Variants in PTPRG observed in about 807,000 individuals in gnomAD.
PTPRG encodes the protein protein tyrosine phosphatase receptor type G.
A neutral mutation model predicts 165.3 loss-of-function variants in PTPRG; 102 were observed. That is an observed-to-expected ratio of 0.62 (90% CI 0.53 to 0.73). PTPRG has a LOEUF of 0.73. Among genes scored for constraint, PTPRG ranks in the 30% least tolerant of loss-of-function variants. PTPRG has a pLI of 0.00. For synonymous variants in PTPRG, 675 were observed against 669.5 expected (o/e 1.01, Z -0.13); for missense variants, 1,866 against 1,861.4 (o/e 1.00, Z -0.05).
chr3:62,130,551 C>A lies in PTPRG; in HGVS notation c.616-2051C>A, dbSNP rs143274097. On this transcript the variant is annotated intron_variant, in intron 5 of 29. Coordinates refer to ENST00000474889, the MANE Select transcript of PTPRG (RefSeq NM_002841.4). ...TAACTACAGATAGTTAAGCTGGCATCCCCACCAGAATGAATCAAAGGGACC... is the reference window on the plus strand; with the variant it reads ...TAACTACAGATAGTTAAGCTGGCATACCCACCAGAATGAATCAAAGGGACC... Among the ~76,000 whole-genome samples the A allele has an allele frequency of 5.5e-3, 830 of 152,272 alleles. 5 individuals carry two copies. Among genetic ancestry groups the A allele is most frequent in the Middle Eastern group, 0.02 (6 of 294 alleles).
intron 4 of PTPRG, among the ~76,000 whole-genome samples, chr3:62,049,487 G>A (rs1413780679): frequency 4.6e-5 from 7 of 152,076 alleles, no homozygotes; most frequent in East Asian, 1.9e-4. Flanking sequence ...AATGATGCTC[G>A]CTGTTTCATG....
chr3:61,854,343 A>G (rs2037044575), intron 2 of PTPRG, among the ~76,000 whole-genome samples: 1 of 152,138 alleles, frequency 6.6e-6, no homozygotes, highest in Non-Finnish European at 1.5e-5. Context: ...TTATCTGTAA[A>G]ATAGGTCTGA....
At chr3:61,808,173 A>G (rs1387972551) in intron 2 of PTPRG, among the ~76,000 whole-genome samples, 4 of 152,220 alleles carry the variant, frequency 2.6e-5, no homozygotes, top group Admixed American at 6.5e-5. Flanking sequence ...CATTTGAAGG[A>G]GACCTAAGAA....
chr3:61,928,612 T>C (rs1266627225), intron 2 of PTPRG, among the ~76,000 whole-genome samples: 2 of 152,222 alleles, frequency 1.3e-5, no homozygotes, highest in Non-Finnish European at 1.5e-5. Context: ...GGATTCTCCC[T>C]AAAACAAAAG....
At chr3:61,781,719 CAG>C (rs1449278275) in intron 2 of PTPRG, among the ~76,000 whole-genome samples, 2 of 152,006 alleles carry the variant, frequency 1.3e-5, no homozygotes, top group East Asian at 3.9e-4. Flanking sequence ...ACTAAATTAA[CAG>C]AATTTATTAA....
chr3:61,756,855 A>G (rs1455519540), intron 2 of PTPRG, among the ~76,000 whole-genome samples: 1 of 152,094 alleles, frequency 6.6e-6, no homozygotes, highest in East Asian at 1.9e-4. Context: ...GAATACTGAG[A>G]GTTTGGGTTT....
At chr3:61,975,077 CAATTTCTTCATTCAG>C (rs2040471166) in intron 2 of PTPRG, among the ~76,000 whole-genome samples, 1 of 151,128 alleles carries the variant, frequency 6.6e-6, no homozygotes, top group African/African-American at 2.4e-5. Context: ...TTTCTGGCTG[CAATTTCTTCATTCAG>C]AAAATGAGGG....
chr3:61,909,668 G>A (rs2038752132), intron 2 of PTPRG, among the ~76,000 whole-genome samples: 1 of 152,064 alleles, frequency 6.6e-6, no homozygotes, highest in African/African-American at 2.4e-5. Flanking sequence ...TTACAGTTAT[G>A]AGCCATGGCA....
chr3:61,955,256 G>A (rs957607530), intron 2 of PTPRG, among the ~76,000 whole-genome samples: 14 of 152,152 alleles, frequency 9.2e-5, no homozygotes, highest in Admixed American at 6.5e-4. Flanking sequence ...TAGCATGTTA[G>A]ATGTTTTTAA....
At chr3:61,916,676 G>T (rs2038945090) in intron 2 of PTPRG, among the ~76,000 whole-genome samples, 1 of 152,052 alleles carries the variant, frequency 6.6e-6, no homozygotes, top group Non-Finnish European at 1.5e-5. Context: ...GCTTGCATGT[G>T]TTAGGTTTCA....
intron 4 of PTPRG, among the ~76,000 whole-genome samples, chr3:62,038,846 A>G (rs1024179713): frequency 2.0e-5 from 3 of 152,038 alleles, no homozygotes; most frequent in South Asian, 2.1e-4. Flanking sequence ...CAGGCTTGTT[A>G]TATAGCTAAA....
intron 2 of PTPRG, among the ~76,000 whole-genome samples, chr3:61,849,589 T>G (rs1018801821): frequency 1.3e-5 from 2 of 152,194 alleles, no homozygotes; most frequent in African/African-American, 4.8e-5. Flanking sequence ...TGTGATGAAC[T>G]TAATGAAATA....
chr3:61,963,279 A>G (rs1164830210), intron 2 of PTPRG, among the ~76,000 whole-genome samples: 3 of 152,158 alleles, frequency 2.0e-5, no homozygotes, highest in Non-Finnish European at 2.9e-5. Context: ...TCATATTTTC[A>G]AAGTCATCTA....
At chr3:62,153,796 C>T (rs972389286) in intron 6 of PTPRG, among the ~76,000 whole-genome samples, 9 of 152,166 alleles carry the variant, frequency 5.9e-5, no homozygotes, top group African/African-American at 1.9e-4. Context: ...TCACACAGCT[C>T]ACAGATAGCG....
Position 61,686,992 on chromosome 3 carries a change from C to G in PTPRG, c.86-61886C>G, listed in dbSNP as rs551699828. 5.9e-5 allele frequency among the ~76,000 whole-genome samples: 9 copies of G among 152,186 alleles called. No homozygotes were observed. In the Middle Eastern group the frequency reaches 0.01, roughly 173 times the overall value. ...TTTATAGAATATATACATACATTATCAGTTCAGAAAATTAAATTTAATAAA... is the reference window on the plus strand; with the variant it reads ...TTTATAGAATATATACATACATTATGAGTTCAGAAAATTAAATTTAATAAA... On this transcript the variant is annotated intron_variant, in intron 1 of 29. Transcript: ENST00000474889.
intron 2 of PTPRG, among the ~76,000 whole-genome samples, chr3:61,981,416 A>G (rs1264173396): frequency 6.6e-6 from 1 of 152,230 alleles, no homozygotes; most frequent in Non-Finnish European, 1.5e-5. Context: ...CTTGTCAAGG[A>G]GGATGAGATT....
At chr3:62,241,940 G>A (rs1259370587) in intron 14 of PTPRG, among the ~76,000 whole-genome samples, 1 of 152,062 alleles carries the variant, frequency 6.6e-6, no homozygotes, top group African/African-American at 2.4e-5. Flanking sequence ...CTATGATACT[G>A]GATGGTTAAG....
At chr3:61,562,444 G>A in intron 1 of PTPRG, 72 bp downstream of exon 1, 2 of 1,474,784 alleles carry the variant, frequency 1.4e-6, no homozygotes, top group Non-Finnish European at 1.9e-6. Context: ...TCGCCTGGGC[G>A]CGGAGCTCCG....
intron 4 of PTPRG, among the ~76,000 whole-genome samples, chr3:62,034,857 G>C (rs928779589): frequency 6.6e-6 from 1 of 152,202 alleles, no homozygotes; most frequent in African/African-American, 2.4e-5. Context: ...TGGAGGTGCT[G>C]GTTCAATAAA....
Sources: gnomAD v4.1 joint callset for allele counts (sites outside exome capture counted in the v4.1 genomes callset) on GRCh38, gnomAD v4.1.1 for gene constraint, MANE v1.5 for transcripts, NCBI Gene and HGNC (gene_info 2026-07-23, HGNC 2026-07-21) for gene names.